Variants in GMPS observed in about 807,000 individuals in gnomAD.
GMPS encodes the protein guanosine monophosphate synthase, also known as GMP synthase [glutamine-hydrolyzing].
Under a neutral mutation model 77.9 loss-of-function variants are expected in GMPS, and 15 were observed. The ratio of observed to expected loss-of-function variants is 0.19; its 90% CI spans 0.13 to 0.30. The LOEUF (loss-of-function observed/expected upper bound fraction) is 0.30. GMPS is among the 10% of genes least tolerant of loss of function. The probability of loss-of-function intolerance (pLI) is 1.00; values close to 1 mark genes in which losing one functional copy is unlikely to be tolerated. For missense variants in GMPS, 590 were observed against 838.8 expected, an observed-to-expected ratio of 0.70 and a Z score of 3.66; for synonymous variants, 224 against 275.9, an observed-to-expected ratio of 0.81 and a Z score of 1.86.
At position 155,937,860 on chromosome 3, in the gene GMPS, A is replaced by C; in HGVS notation, c.*168A>C. 1.8e-6 allele frequency: 1 copy of C among 560,950 alleles called. No individual in the cohort carries two copies. The highest frequency in any genetic ancestry group is 2.9e-5 in the East Asian group (1 of 34,948). 34.7% of individuals were successfully genotyped at this position (560,950 alleles called of 1,614,324 possible). A position where few individuals can be genotyped will look rare whatever the true frequency, so the allele number is the denominator to read the frequency against. ...AAGAGCTGAGTTGGGGATAACCAAA[A>C]GGGACTGAAGAGTTTGTACGGGTAA... On this transcript the variant is annotated 3_prime_UTR_variant, in exon 16 of 16. Transcript: ENST00000496455.
intron 2 of GMPS, 69 bp downstream of exon 2, chr3:155,893,768 T>G (rs6441026): frequency 0.89 from 728,619 of 816,554 alleles, 325,724 homozygotes; most frequent in African/African-American, 0.91. Context: ...TTATTAATTT[T>G]CTTGAGCACT....
rs562823383 is a variant in GMPS, at chr3:155,939,221, T to C, written c.*1529T>C. ...TCTCTATCTGATGAGGAGGTACTCA[T>C]TATGGCCTTCTGGAAAGAGGCTATG... On this transcript the variant is annotated 3_prime_UTR_variant, in exon 16 of 16. Coordinates refer to ENST00000496455, the MANE Select transcript of GMPS (RefSeq NM_003875.3). The C allele has an allele frequency of 3.0e-4, 65 of 219,904 alleles. No individual in the cohort carries two copies. The highest frequency in any genetic ancestry group is 5.4e-4 in the Non-Finnish European group (59 of 109,606). The allele number at this position is 219,904 out of a possible 1,614,324, so 13.6% of individuals were successfully genotyped here. A position where few individuals can be genotyped will look rare whatever the true frequency, so the allele number is the denominator to read the frequency against.
rs112904400 is a variant in GMPS at position 155,916,376 on chromosome 3, T to G, written c.1212+184T>G. ...AGTCACTCCTCGTTCTACCTGTTGT[T>G]GTCATTGTCATCCTGCCCCCACCCC... On this transcript the variant is annotated intron_variant, in intron 9 of 15. Transcript: ENST00000496455. Among the ~76,000 whole-genome samples the G allele has an allele frequency of 9.9e-5, 15 of 152,236 alleles. 1 individual carries two copies. The highest frequency in any genetic ancestry group is 3.6e-4 in the African/African-American group (15 of 41,546).
intron 9 of GMPS, among the ~76,000 whole-genome samples, chr3:155,916,819 A>G (rs1055061261): frequency 6.6e-6 from 1 of 152,166 alleles, no homozygotes; most frequent in East Asian, 1.9e-4. Context: ...TAACATTTTG[A>G]TGAATTGCCA....
At chr3:155,906,293 A>G in intron 5 of GMPS, 30 bp downstream of exon 5, 2 of 1,397,086 alleles carry the variant, frequency 1.4e-6, no homozygotes, top group South Asian at 2.4e-5. Flanking sequence ...TGCAGAGTTC[A>G]TTTAAAAAAC....
chr3:155,914,386 AC>A, intron 7 of GMPS, 32 bp from the exon 8 acceptor site: 1 of 1,463,182 alleles, frequency 6.8e-7, no homozygotes, highest in Non-Finnish European at 9.1e-7. Flanking sequence ...AACATGTTAT[AC>A]CAATTTAAAA....
At chr3:155,931,058 TC>T (rs1339156210) in intron 12 of GMPS, among the ~76,000 whole-genome samples, 2 of 152,046 alleles carry the variant, frequency 1.3e-5, no homozygotes, top group Non-Finnish European at 2.9e-5. Flanking sequence ...ACTTCTGGGC[TC>T]AACTGACCCA....
At position 155,937,870 on chromosome 3, in the gene GMPS, G is replaced by T. The variant is rs907716341; in HGVS notation, c.*178G>T. 32 of 541,814 alleles carry T rather than the reference G, an allele frequency of 5.9e-5. 2 individuals are homozygous for T. The Admixed American group carries it at 7.8e-4, about 13-fold the overall frequency. The allele number at this position is 541,814 out of a possible 1,614,324, so 33.6% of individuals were successfully genotyped here. ...TTGGGGATAACCAAAAGGGACTGAAGAGTTTGTACGGGTAAATAATCAAAG... is the reference window on the plus strand; with the variant it reads ...TTGGGGATAACCAAAAGGGACTGAATAGTTTGTACGGGTAAATAATCAAAG... On this transcript the variant is annotated 3_prime_UTR_variant, in exon 16 of 16. Coordinates refer to ENST00000496455, the MANE Select transcript of GMPS (RefSeq NM_003875.3).
intron 1 of GMPS, among the ~76,000 whole-genome samples, chr3:155,883,979 G>C (rs548449883): frequency 6.6e-6 from 1 of 152,128 alleles, no homozygotes; most frequent in South Asian, 2.1e-4. Flanking sequence ...CCTACGCAAA[G>C]ATAACCTTGT....
At chr3:155,897,734 A>G (rs1044174076) in intron 2 of GMPS, among the ~76,000 whole-genome samples, 193 bp from the exon 3 acceptor site, 2 of 152,264 alleles carry the variant, frequency 1.3e-5, no homozygotes, top group African/African-American at 4.8e-5. Flanking sequence ...ACATTGCAGT[A>G]AAGTACAGTA....
At chr3:155,928,657 G>C (rs1755518035) in intron 12 of GMPS, among the ~76,000 whole-genome samples, 1 of 148,318 alleles carries the variant, frequency 6.7e-6, no homozygotes, top group Admixed American at 6.7e-5. Context: ...TTTAGCATTA[G>C]GTATATCTCC....
chr3:155,920,590 G>A (rs201907053), intron 10 of GMPS, among the ~76,000 whole-genome samples: 395 of 114,702 alleles, frequency 3.4e-3, no homozygotes, highest in Middle Eastern at 0.012. Flanking sequence ...AAAAAAAAAA[G>A]AAAAAAAAAA....
At chr3:155,896,736 T>A (rs971309462) in intron 2 of GMPS, among the ~76,000 whole-genome samples, 13 of 131,462 alleles carry the variant, frequency 9.9e-5, no homozygotes, top group African/African-American at 3.2e-4. Context: ...GAGATTTTTT[T>A]TTTTTTTTTT....
At position 155,936,352 on chromosome 3, in the gene GMPS, A is replaced by G; in HGVS notation, c.1822A>G (p.Ile608Val). Residue 608 changes from isoleucine (I) to valine (V), a missense_variant, in exon 15 of 16, where the codon ATC becomes GTC. Physicochemically the swap from Ile to Val is conservative, Grantham distance 29. Transcript: ENST00000496455. ...ILRESGYAGK[I>V]SQMPVILTPL... ...CCTTTCTCTAGGGTATGCTGGGAAA[A>G]TCAGCCAGATGCCGGTGATTTTGAC... is the stretch of plus-strand genomic sequence containing the variant. The G allele has an allele frequency of 6.2e-7, 1 of 1,609,206 alleles. No homozygotes were observed. Among genetic ancestry groups the G allele is most frequent in the Non-Finnish European group, 8.5e-7 (1 of 1,177,244 alleles).
At chr3:155,902,419 T>G (rs145470619) in intron 3 of GMPS, among the ~76,000 whole-genome samples, 2 of 152,356 alleles carry the variant, frequency 1.3e-5, no homozygotes, top group African/African-American at 4.8e-5. Flanking sequence ...AATGATTTTT[T>G]ACATTGTTAA....
chr3:155,872,060 TA>T (rs1753919714), intron 1 of GMPS, among the ~76,000 whole-genome samples: 1 of 150,484 alleles, frequency 6.6e-6, no homozygotes, highest in Non-Finnish European at 1.5e-5. Flanking sequence ...AAAACTTAAT[TA>T]AATTTCATTC....
rs373456864 is a variant in GMPS at position 155,911,291 on chromosome 3, C to T, written c.886+12C>T. 2.6e-6 allele frequency: 4 copies of T among 1,565,744 alleles called. No individual in the cohort carries two copies. The African/African-American group carries it at 5.5e-5, about 21-fold the overall frequency. ...AATTCAGGTCAAAGGTATTGAAGAA[C>T]CTCAGAAAAGTTAACTTACATGTTA... On this transcript the variant is annotated intron_variant, in intron 7 of 15. Transcript: ENST00000496455.
chr3:155,897,457 C>G (rs1754630194), intron 2 of GMPS, among the ~76,000 whole-genome samples: 1 of 152,134 alleles, frequency 6.6e-6, no homozygotes, highest in Non-Finnish European at 1.5e-5. Flanking sequence ...GTAATGTATA[C>G]TTTCTATTCT....
At chr3:155,920,153 G>A (rs1020158369) in intron 10 of GMPS, among the ~76,000 whole-genome samples, 14 of 152,166 alleles carry the variant, frequency 9.2e-5, no homozygotes, top group African/African-American at 3.1e-4. Flanking sequence ...TAGGGACAGC[G>A]ACTAATTTGC....
Sources: allele counts gnomAD v4.1 joint callset (sites outside exome capture counted in the v4.1 genomes callset), GRCh38; gene constraint gnomAD v4.1.1; transcripts MANE v1.5; gene names NCBI Gene and HGNC (gene_info 2026-07-23, HGNC 2026-07-21).